The following TPRG1 variants were observed in gnomAD, a reference collection of about 807,000 sequenced individuals.
TPRG1 encodes the protein tumor protein p63 regulated 1, also known as tumor protein p63-regulated gene 1 protein.
TPRG1 carries 29 observed loss-of-function variants against 29.3 expected under a neutral mutation model. The ratio of observed to expected loss-of-function variants is 0.99; its 90% CI spans 0.74 to 1.35. The LOEUF is 1.35. TPRG1 is among the 40% of genes most tolerant of loss of function. The pLI is 0.00. For missense variants in TPRG1, 327 were observed against 335.0 expected (o/e 0.98, Z 0.19); for synonymous variants, 130 against 116.8 (o/e 1.11, Z -0.73).
intron 4 of TPRG1, among the ~76,000 whole-genome samples, chr3:189,259,517 T>C (rs1712604984): frequency 7.2e-6 from 1 of 139,736 alleles, no homozygotes; most frequent in Non-Finnish European, 1.5e-5. Context: ...CAGGCTGGAA[T>C]GCAGTAGTGT....
chr3:189,236,754 C>T (rs1352846657), intron 3 of TPRG1, among the ~76,000 whole-genome samples: 4 of 152,126 alleles, frequency 2.6e-5, no homozygotes, highest in African/African-American at 9.7e-5. Context: ...TTCTTCTTTT[C>T]TTCCTTTTTC....
chr3:189,023,014 C>T (rs1713443323), intron 3 of TPRG1, among the ~76,000 whole-genome samples: 1 of 152,230 alleles, frequency 6.6e-6, no homozygotes, highest in South Asian at 2.1e-4. Context: ...TCACCCCTTT[C>T]TTTGACTCGG....
intron 4 of TPRG1, among the ~76,000 whole-genome samples, chr3:189,088,988 CTA>C (rs1718157583): frequency 1.4e-5 from 2 of 146,866 alleles, no homozygotes; most frequent in Non-Finnish European, 2.9e-5. Context: ...ATCTATCTAT[CTA>C]TCTATCTATC....
intron 4 of TPRG1, among the ~76,000 whole-genome samples, chr3:189,063,538 A>G (rs752262734): frequency 3.9e-5 from 6 of 152,174 alleles, no homozygotes; most frequent in Non-Finnish European, 5.9e-5. Context: ...CAACAAATTT[A>G]TAAGAACTGA....
At chr3:189,020,373 C>G (rs1252425017) in intron 3 of TPRG1, among the ~76,000 whole-genome samples, 2 of 151,818 alleles carry the variant, frequency 1.3e-5, no homozygotes, top group Admixed American at 1.3e-4. Flanking sequence ...GCATTTAGTG[C>G]TATAAATTTC....
chr3:189,025,563 A>T (rs1411316754), intron 4 of TPRG1, among the ~76,000 whole-genome samples: 1 of 152,168 alleles, frequency 6.6e-6, no homozygotes, highest in East Asian at 1.9e-4. Flanking sequence ...TGGCTTGTGG[A>T]TGTATCTTCT....
At chr3:189,308,582 A>T (rs1305102943) in intron 4 of TPRG1, among the ~76,000 whole-genome samples, 2 of 152,210 alleles carry the variant, frequency 1.3e-5, no homozygotes, top group Non-Finnish European at 2.9e-5. Flanking sequence ...ATTTGGAAGT[A>T]TACTATATCT....
intron 4 of TPRG1, among the ~76,000 whole-genome samples, chr3:189,078,543 G>A (rs2152165850): frequency 6.6e-6 from 1 of 152,274 alleles, no homozygotes; most frequent in East Asian, 1.9e-4. Flanking sequence ...GGTAGACCTG[G>A]AATTGCCAAT....
intron 5 of TPRG1, among the ~76,000 whole-genome samples, chr3:189,318,471 A>G (rs1723899500): frequency 1.3e-5 from 2 of 152,176 alleles, no homozygotes; most frequent in African/African-American, 2.4e-5. Flanking sequence ...AGTCGGCACT[A>G]TAGATCTTTT....
chr3:189,047,440 T>G (rs966692739), intron 4 of TPRG1, among the ~76,000 whole-genome samples: 8 of 152,338 alleles, frequency 5.3e-5, no homozygotes, highest in South Asian at 4.1e-4. Context: ...ATCTTTTTAC[T>G]GGTGGAGGGT....
intron 3 of TPRG1, among the ~76,000 whole-genome samples, chr3:189,018,977 G>T (rs1445164974): frequency 1.8e-3 from 277 of 152,122 alleles, no homozygotes; most frequent in Non-Finnish European, 3.0e-3. Flanking sequence ...CTAGGTATTT[G>T]ATTCTCTTTG....
At chr3:189,245,075 C>A (rs1274615561) in intron 4 of TPRG1, among the ~76,000 whole-genome samples, 1 of 152,112 alleles carries the variant, frequency 6.6e-6, no homozygotes, top group African/African-American at 2.4e-5. Context: ...CAGGTGCCAC[C>A]ATGCCCAGCT....
rs147524563 is a variant in TPRG1 at position 189,301,796 on chromosome 3, C to A, written c.480-8590C>A. Among the ~76,000 whole-genome samples the A allele has an allele frequency of 4.6e-3, 703 of 152,274 alleles. 2 individuals are homozygous for A. Among genetic ancestry groups the A allele is most frequent in the Non-Finnish European group, 7.1e-3 (483 of 68,018 alleles). ...CTTCGTTCTCTAGTTTTGCATCTGG[C>A]AATTAGAGACAAATTTTTTCAGTTA... On this transcript the variant is annotated intron_variant, in intron 4 of 5. Transcript: ENST00000345063.
intron 3 of TPRG1, among the ~76,000 whole-genome samples, chr3:189,006,728 A>G (rs1485258632): frequency 6.6e-6 from 1 of 152,026 alleles, no homozygotes; most frequent in Non-Finnish European, 1.5e-5. Flanking sequence ...AAAATGTAGT[A>G]ATTTCTTTAT....
intron 3 of TPRG1, among the ~76,000 whole-genome samples, chr3:189,146,434 G>A (rs528360686): frequency 3.3e-5 from 5 of 152,266 alleles, no homozygotes; most frequent in East Asian, 1.9e-4. Context: ...AAGGTTAGAC[G>A]TATGAGACAT....
chr3:189,234,697 G>T (rs1184846862), intron 3 of TPRG1, among the ~76,000 whole-genome samples: 1 of 152,138 alleles, frequency 6.6e-6, no homozygotes, highest in Non-Finnish European at 1.5e-5. Context: ...AGTATGTTTT[G>T]GATACTACAA....
At chr3:189,312,454 AT>A (rs1722866599) in intron 5 of TPRG1, among the ~76,000 whole-genome samples, 2 of 152,042 alleles carry the variant, frequency 1.3e-5, no homozygotes, top group South Asian at 4.1e-4. Context: ...AATAATATAT[AT>A]TTTTGAATTA....
chr3:189,191,558 A>C (rs1731694789), intron 1 of TPRG1, among the ~76,000 whole-genome samples: 1 of 152,218 alleles, frequency 6.6e-6, no homozygotes, highest in Non-Finnish European at 1.5e-5. Context: ...GAACTGGGTC[A>C]AAGTAGCCTT....
intron 3 of TPRG1, chr3:189,219,707 G>T (rs1736654504): frequency 7.9e-7 from 1 of 1,264,476 alleles, no homozygotes; most frequent in South Asian, 1.3e-5. Context: ...AAAGAGACAG[G>T]AGGAGACAGC....
Sources: allele counts gnomAD v4.1 joint callset (sites outside exome capture counted in the v4.1 genomes callset), GRCh38; gene constraint gnomAD v4.1.1; transcripts MANE v1.5; gene names NCBI Gene and HGNC (gene_info 2026-07-23, HGNC 2026-07-21).